ALMS1: variants seen among roughly 807,000 people sequenced by gnomAD.
ALMS1 encodes the protein ALMS1 centrosome and basal body associated protein.
ALMS1 carries 271 observed loss-of-function variants against 352.2 expected under a neutral mutation model. The observed-to-expected ratio is 0.77, with a 90% CI of 0.70 to 0.85. The LOEUF (loss-of-function observed/expected upper bound fraction) is 0.85, where lower values mean the gene tolerates loss of function less well. ALMS1 is among the 40% of genes least tolerant of loss of function. ALMS1 has a pLI of 0.00. For missense variants in ALMS1, 5,445 were observed against 4,870.7 expected, an observed-to-expected ratio of 1.12 and a Z score of -3.51; for synonymous variants, 1,865 against 1,761.2, an observed-to-expected ratio of 1.06 and a Z score of -1.48.
At chr2:73,418,609 G>A (rs1433989432) in intron 2 of ALMS1, among the ~76,000 whole-genome samples, 4 of 152,174 alleles carry the variant, frequency 2.6e-5, no homozygotes, top group African/African-American at 9.7e-5. Flanking sequence ...TCTGCTGACT[G>A]GAGTATCTTC....
At chr2:73,482,218 C>A (rs1672723710) in intron 9 of ALMS1, among the ~76,000 whole-genome samples, 1 of 152,170 alleles carries the variant, frequency 6.6e-6, no homozygotes, top group South Asian at 2.1e-4. Context: ...GTGGGTTTGT[C>A]ATAGATAACT....
At chr2:73,414,762 T>C (rs1249657407) in intron 2 of ALMS1, among the ~76,000 whole-genome samples, 1 of 152,164 alleles carries the variant, frequency 6.6e-6, no homozygotes, top group African/African-American at 2.4e-5. Context: ...TATCCTTTGC[T>C]GCTTTATCTT....
chr2:73,412,328 C>T (rs185125588), intron 2 of ALMS1, among the ~76,000 whole-genome samples: 9 of 152,306 alleles, frequency 5.9e-5, no homozygotes, highest in Admixed American at 1.3e-4. Context: ...CAGAATAATA[C>T]GGTGTGTAGA....
intron 9 of ALMS1, chr2:73,469,593 C>CT (rs979507612): frequency 6.6e-6 from 1 of 151,734 alleles, no homozygotes; most frequent in Non-Finnish European, 1.5e-5. Flanking sequence ...GAGAGAAAAA[C>CT]TTTATTGATC....
At chr2:73,536,965 C>G (rs988261131) in intron 12 of ALMS1, among the ~76,000 whole-genome samples, 10 of 152,116 alleles carry the variant, frequency 6.6e-5, no homozygotes, top group African/African-American at 2.4e-4. Context: ...ATATAGCTTT[C>G]TTTTCCAAGA....
At chr2:73,606,066 T>C (rs1382304743) in intron 21 of ALMS1, among the ~76,000 whole-genome samples, 1 of 152,182 alleles carries the variant, frequency 6.6e-6, no homozygotes, top group Non-Finnish European at 1.5e-5. Flanking sequence ...CTGTCTTCCA[T>C]TAAACCAGAC....
intron 13 of ALMS1, among the ~76,000 whole-genome samples, chr2:73,553,327 G>C (rs1408570879): frequency 2.0e-5 from 3 of 152,186 alleles, no homozygotes; most frequent in African/African-American, 4.8e-5. Context: ...AACATGGTGG[G>C]ATTGAGGAAA....
At chr2:73,464,856 A>T (rs188081191) in intron 9 of ALMS1, among the ~76,000 whole-genome samples, 8 of 152,190 alleles carry the variant, frequency 5.3e-5, no homozygotes, top group African/African-American at 1.9e-4. Flanking sequence ...GTTGCTTCAA[A>T]GAGAGTAAAA....
At chr2:73,576,118 G>A (rs747777704) in intron 16 of ALMS1, among the ~76,000 whole-genome samples, 2 of 151,978 alleles carry the variant, frequency 1.3e-5, no homozygotes, top group Non-Finnish European at 2.9e-5. Context: ...GCCAAAAATC[G>A]TTTAGCCATA....
intron 2 of ALMS1, among the ~76,000 whole-genome samples, chr2:73,411,138 G>A (rs1671068663): frequency 6.6e-6 from 1 of 151,964 alleles, no homozygotes; most frequent in South Asian, 2.1e-4. Context: ...CACTGGAGTA[G>A]GGTTTGCTCT....
intron 13 of ALMS1, among the ~76,000 whole-genome samples, chr2:73,553,995 T>C (rs572309386): frequency 1.3e-5 from 2 of 152,254 alleles, no homozygotes; most frequent in Admixed American, 1.3e-4. Context: ...GCTAAAGAAG[T>C]TGAAAATGGT....
intron 9 of ALMS1, among the ~76,000 whole-genome samples, chr2:73,478,112 C>A (rs1249944893): frequency 1.3e-5 from 2 of 152,134 alleles, no homozygotes; most frequent in Admixed American, 1.3e-4. Flanking sequence ...TTCATAGGTA[C>A]TCTTCATCTG....
intron 16 of ALMS1, among the ~76,000 whole-genome samples, chr2:73,591,646 G>A (rs1365312367): frequency 1.3e-5 from 2 of 152,168 alleles, no homozygotes; most frequent in African/African-American, 4.8e-5. Flanking sequence ...TATCTAACAA[G>A]CTAGATGGAT....
chr2:73,426,453 A>G lies in ALMS1; in HGVS notation c.1238A>G (p.Lys413Arg), dbSNP rs770439428. Residue 413 changes from lysine to arginine, a missense_variant and splice_region_variant, in exon 6 of 23, where the codon AAG becomes AGG. Physicochemically the swap from Lys to Arg is conservative, Grantham distance 26 (BLOSUM62 2). Coordinates refer to ENST00000613296, the MANE Select transcript of ALMS1 (RefSeq NM_001378454.1). ...ATGCAAAATGACTCCTATTTTGTAG[A>G]GGGCCTGCAGGGGAAGGTTGAGTCT... ...SSKQAETYLT[K>R]GLQGKVESDV... The G allele has an allele frequency of 1.9e-6, 3 of 1,613,916 alleles. No homozygotes were observed. The highest frequency in any genetic ancestry group is 1.6e-4 in the Middle Eastern group (1 of 6,080).
intron 9 of ALMS1, among the ~76,000 whole-genome samples, chr2:73,468,525 A>G (rs946671620): frequency 2.6e-5 from 4 of 152,038 alleles, no homozygotes; most frequent in Non-Finnish European, 4.4e-5. Context: ...ACTTATACCC[A>G]TTAAATAATA....
At chr2:73,412,246 G>A (rs1671093509) in intron 2 of ALMS1, among the ~76,000 whole-genome samples, 1 of 152,172 alleles carries the variant, frequency 6.6e-6, no homozygotes, top group African/African-American at 2.4e-5. Flanking sequence ...CCCCTTTGTA[G>A]TCAGTCACTT....
chr2:73,519,988 A>G lies in ALMS1; in HGVS notation c.9753A>G (p.Gln3251=), dbSNP rs1553412793. 13 of 1,614,118 alleles carry G rather than the reference A, an allele frequency of 8.1e-6. No individual in the cohort carries two copies. Among genetic ancestry groups the G allele is most frequent in the South Asian group, 1.1e-5 (1 of 91,084 alleles). The change falls in exon 11 of 23, where the codon CAA becomes CAG. Residue 3251 remains glutamine, a synonymous_variant. Coordinates refer to ENST00000613296, the MANE Select transcript of ALMS1 (RefSeq NM_001378454.1). ...AGTTTGCCTCATCATCTTCAGTCCA[A>G]CAGGTTACTTTTTCTCGCGGCACAG... is the stretch of plus-strand genomic sequence containing the variant. ...PVKFASSSSV[Q]QVTFSRGTDG... is the part of the protein sequence containing the mutation.
chr2:73,541,728 T>C (rs1033721878), intron 12 of ALMS1, among the ~76,000 whole-genome samples: 1 of 152,202 alleles, frequency 6.6e-6, no homozygotes, highest in Non-Finnish European at 1.5e-5. Context: ...CATCAGAGAA[T>C]ACTACAAACA....
intron 15 of ALMS1, among the ~76,000 whole-genome samples, chr2:73,571,209 C>G (rs1195767567): frequency 6.6e-6 from 1 of 152,170 alleles, no homozygotes; most frequent in South Asian, 2.1e-4. Context: ...CATGAAAACT[C>G]TGCTTGCCAG....
Sources: allele counts gnomAD v4.1 joint callset (sites outside exome capture counted in the v4.1 genomes callset), GRCh38; gene constraint gnomAD v4.1.1; transcripts MANE v1.5; gene names NCBI Gene and HGNC (gene_info 2026-07-23, HGNC 2026-07-21).